PPP2R2A: variants seen among roughly 807,000 people sequenced by gnomAD.
PPP2R2A encodes serine/threonine-protein phosphatase 2A 55 kDa regulatory subunit B alpha isoform.
In PPP2R2A, 9 loss-of-function variants were observed where a neutral mutation model predicts 53.2. The ratio of observed to expected loss-of-function variants is 0.17; its 90% CI spans 0.10 to 0.30. The LOEUF (loss-of-function observed/expected upper bound fraction) is 0.30. Ranked by LOEUF, PPP2R2A falls within the 10% of genes least tolerant of loss-of-function variation. The pLI, the probability that PPP2R2A is intolerant of heterozygous loss-of-function variation, is 1.00. For synonymous variants in PPP2R2A, 169 were observed against 174.2 expected, an observed-to-expected ratio of 0.97 and a Z score of 0.23; for missense variants, 235 against 534.6, an observed-to-expected ratio of 0.44 and a Z score of 5.53.
chr8:26,300,127 A>G (rs544519737), intron 2 of PPP2R2A, among the ~76,000 whole-genome samples: 1 of 152,288 alleles, frequency 6.6e-6, no homozygotes, highest in East Asian at 1.9e-4. Context: ...TCATTTGACA[A>G]AAAATTATGA....
intron 2 of PPP2R2A, among the ~76,000 whole-genome samples, chr8:26,336,490 A>G (rs1040046408): frequency 1.3e-5 from 2 of 152,096 alleles, no homozygotes; most frequent in African/African-American, 4.8e-5. Context: ...TCAAATCTCA[A>G]TTGTTTTACT....
At chr8:26,361,731 G>A (rs1421288958) in intron 6 of PPP2R2A, among the ~76,000 whole-genome samples, 1 of 152,138 alleles carries the variant, frequency 6.6e-6, no homozygotes, top group African/African-American at 2.4e-5. Flanking sequence ...AGGTCAAGGT[G>A]GGTGGATCAC....
intron 2 of PPP2R2A, among the ~76,000 whole-genome samples, chr8:26,333,801 A>G (rs916861442): frequency 9.2e-5 from 14 of 152,176 alleles, no homozygotes; most frequent in African/African-American, 3.1e-4. Context: ...AAACCGACCA[A>G]TGACACTGTT....
chr8:26,311,059 T>G (rs960980145), intron 2 of PPP2R2A, among the ~76,000 whole-genome samples: 3 of 152,212 alleles, frequency 2.0e-5, no homozygotes, highest in Admixed American at 2.0e-4. Flanking sequence ...TTTTTCTTTT[T>G]TGTTCAAGCA....
At chr8:26,312,428 C>G (rs1471035411) in intron 2 of PPP2R2A, among the ~76,000 whole-genome samples, 1 of 152,188 alleles carries the variant, frequency 6.6e-6, no homozygotes, top group African/African-American at 2.4e-5. Context: ...GGTCCCCAGA[C>G]TATACTTTGA....
chr8:26,367,442 G>T (rs7823021), intron 9 of PPP2R2A, among the ~76,000 whole-genome samples: 110,640 of 152,172 alleles, frequency 0.73, 40,491 homozygotes, highest in East Asian at 0.88. Flanking sequence ...AGAAAAAAAC[G>T]ATTTGTTTTC....
rs373504630 is a variant in PPP2R2A at position 26,364,023 on chromosome 8, A to G, written c.972+133A>G. ...ATTAGGCCTTTTCCCTCAGAGATCT[A>G]TGAGTATGTTGCTCTTCCTTATGTT... On this transcript the variant is annotated intron_variant, in intron 8 of 9. Transcript: ENST00000380737. The G allele has an allele frequency of 7.8e-5, 56 of 714,298 alleles. 2 individuals are homozygous for G. In the South Asian group the frequency reaches 2.2e-3, roughly 28 times the overall value. 44.2% of individuals were successfully genotyped at this position (714,298 alleles called of 1,614,324 possible). A position where few individuals can be genotyped will look rare whatever the true frequency, so the allele number is the denominator to read the frequency against.
intron 2 of PPP2R2A, among the ~76,000 whole-genome samples, chr8:26,332,997 C>T (rs531595855): frequency 6.6e-6 from 1 of 152,132 alleles, no homozygotes; most frequent in Non-Finnish European, 1.5e-5. Flanking sequence ...TTTTTCTATA[C>T]ATTGAAAATG....
Position 26,297,117 on chromosome 8 carries a change from T to G in PPP2R2A, c.82+3377T>G, listed in dbSNP as rs113758882. Among the ~76,000 whole-genome samples, 1,235 of 151,542 alleles carry G rather than the reference T, an allele frequency of 8.1e-3. 12 individuals are homozygous for G. Among genetic ancestry groups the G allele is most frequent in the African/African-American group, 0.024 (994 of 41,358 alleles). On this transcript the variant is annotated intron_variant, in intron 2 of 9. Transcript: ENST00000380737. ...GTAAAAACAGCCCAAATTCTTTTGG[T>G]GTGTGTGTGTGTGTGAGACAGAGTC... is the stretch of plus-strand genomic sequence containing the variant.
At chr8:26,331,129 A>T (rs2117299999) in intron 2 of PPP2R2A, among the ~76,000 whole-genome samples, 1 of 152,188 alleles carries the variant, frequency 6.6e-6, no homozygotes, top group South Asian at 2.1e-4. Context: ...CTCTGCCTTT[A>T]CGTTGTAGCT....
chr8:26,372,541 G>T lies in PPP2R2A; in HGVS notation c.*2128G>T, dbSNP rs1264695223. On this transcript the variant is annotated 3_prime_UTR_variant, in exon 10 of 10. Coordinates refer to ENST00000380737, the MANE Select transcript of PPP2R2A (RefSeq NM_002717.4). ...CTAAAATTAAAATGCCTCTATCAAG[G>T]AATGCTATTATAAATTATTGTTAAC... 1 of 152,092 alleles carries T rather than the reference G, an allele frequency of 6.6e-6. No homozygotes were observed. The highest frequency in any genetic ancestry group is 1.5e-5 in the Non-Finnish European group (1 of 68,022). The allele number at this position is 152,092 out of a possible 1,614,324, so 9.4% of individuals were successfully genotyped here.
chr8:26,308,519 A>C (rs1405386416), intron 2 of PPP2R2A, among the ~76,000 whole-genome samples: 1 of 152,186 alleles, frequency 6.6e-6, no homozygotes, highest in Non-Finnish European at 1.5e-5. Flanking sequence ...ATCTCAAGAA[A>C]CCATTTTCTT....
chr8:26,353,666 G>C (rs1484018090), intron 3 of PPP2R2A, among the ~76,000 whole-genome samples: 1 of 152,136 alleles, frequency 6.6e-6, no homozygotes, highest in Admixed American at 6.5e-5. Flanking sequence ...TCTCACTTTT[G>C]CTGAGATATT....
intron 3 of PPP2R2A, among the ~76,000 whole-genome samples, chr8:26,350,865 G>A (rs546587931): frequency 1.3e-5 from 2 of 152,130 alleles, no homozygotes; most frequent in African/African-American, 4.8e-5. Flanking sequence ...TACATTTGTT[G>A]GAGGATCCAG....
Position 26,354,486 on chromosome 8 carries a change from A to C in PPP2R2A, c.199A>C (p.Ser67Arg), listed in dbSNP as rs753029318. Residue 67 changes from serine to arginine, a missense_variant, in exon 4 of 10, where the codon AGC (serine) becomes CGC (arginine). Physicochemically the swap from Ser to Arg is moderately radical, Grantham distance 110. Transcript: ENST00000380737. This position sits in a 1 kb window ranked among gnomAD's most constrained non-coding sequence, Gnocchi z 4.6. ...QEQENKIQSH[S>R]RGEYNVYSTF... ...ATTTTAGAACAAAATCCAGTCTCAT[A>C]GCAGAGGAGAATATAATGTTTACAG... is the stretch of plus-strand genomic sequence containing the variant. The C allele has an allele frequency of 1.9e-6, 3 of 1,570,078 alleles. No individual in the cohort carries two copies. Among genetic ancestry groups the C allele is most frequent in the Non-Finnish European group, 2.6e-6 (3 of 1,156,266 alleles).
chr8:26,319,754 T>G (rs1325639286), intron 2 of PPP2R2A, among the ~76,000 whole-genome samples: 1 of 152,140 alleles, frequency 6.6e-6, no homozygotes, highest in East Asian at 1.9e-4. Context: ...AAAAAGTGCT[T>G]TAGGGATTTT....
intron 2 of PPP2R2A, among the ~76,000 whole-genome samples, chr8:26,315,658 TTC>T (rs1374784209): frequency 6.6e-6 from 1 of 152,180 alleles, no homozygotes; most frequent in Non-Finnish European, 1.5e-5. Context: ...TACCTGGTGC[TTC>T]TGTGTCCTGA....
chr8:26,362,568 G>T lies in PPP2R2A; in HGVS notation c.638-116G>T. ...TTTATACTCATAAAAACAGTGGAGT[G>T]CAATTCAGAATTAATATTTTTGCTT... On this transcript the variant is annotated intron_variant, in intron 6 of 9. Transcript: ENST00000380737. The surrounding 1 kb of genome is among the most constrained non-coding windows in gnomAD (Gnocchi z 4.4). The T allele has an allele frequency of 1.1e-6, 1 of 906,458 alleles. No individual in the cohort carries two copies. 56.2% of individuals were successfully genotyped at this position (906,458 alleles called of 1,614,324 possible). A position where few individuals can be genotyped will look rare whatever the true frequency, so the allele number is the denominator to read the frequency against.
chr8:26,316,357 AT>A (rs1245545198), intron 2 of PPP2R2A, among the ~76,000 whole-genome samples: 3 of 152,162 alleles, frequency 2.0e-5, no homozygotes, highest in East Asian at 3.8e-4. Context: ...TAGCAAAAAA[AT>A]GATACAAATT....
Sources: allele counts gnomAD v4.1 joint callset (sites outside exome capture counted in the v4.1 genomes callset), GRCh38; gene constraint gnomAD v4.1.1; non-coding constraint Gnocchi (gnomAD v3.1); transcripts MANE v1.5; gene names NCBI Gene and HGNC (gene_info 2026-07-23, HGNC 2026-07-21).